LMNTD1: variants seen among roughly 807,000 people sequenced by gnomAD.
LMNTD1 encodes the protein lamin tail domain containing 1, also known as lamin tail domain-containing protein 1.
LMNTD1 carries 35 observed loss-of-function variants against 50.9 expected under a neutral mutation model. The ratio of observed to expected loss-of-function variants is 0.69; its 90% CI spans 0.53 to 0.91. The LOEUF (loss-of-function observed/expected upper bound fraction) is 0.91, where lower values mean the gene tolerates loss of function less well. Among genes scored for constraint, LMNTD1 ranks in the 40% least tolerant of loss-of-function variants. The pLI, the probability that LMNTD1 is intolerant of heterozygous loss-of-function variation, is 0.00. For missense variants in LMNTD1, 470 were observed against 475.5 expected, an observed-to-expected ratio of 0.99 and a Z score of 0.11; for synonymous variants, 153 against 161.9, an observed-to-expected ratio of 0.94 and a Z score of 0.42.
At chr12:25,629,687 T>A (rs1655015148) in intron 1 of LMNTD1, among the ~76,000 whole-genome samples, 1 of 152,206 alleles carries the variant, frequency 6.6e-6, no homozygotes, top group African/African-American at 2.4e-5. Context: ...CAAGCCTAAG[T>A]GCACTATTGA....
At chr12:25,642,997 C>A (rs541285952) in intron 1 of LMNTD1, among the ~76,000 whole-genome samples, 2 of 152,128 alleles carry the variant, frequency 1.3e-5, no homozygotes, top group Non-Finnish European at 2.9e-5. Flanking sequence ...GTTAATGCAA[C>A]GTTCCAAGCA....
intron 1 of LMNTD1, among the ~76,000 whole-genome samples, chr12:25,593,161 A>G (rs1945750917): frequency 6.6e-6 from 1 of 151,886 alleles, no homozygotes; most frequent in Non-Finnish European, 1.5e-5. Flanking sequence ...GACAAAGGAC[A>G]TATACTCCTG....
intron 1 of LMNTD1, among the ~76,000 whole-genome samples, chr12:25,576,687 T>C (rs1284587853): frequency 2.6e-5 from 4 of 152,236 alleles, no homozygotes; most frequent in Non-Finnish European, 5.9e-5. Context: ...GCAGAAGCTC[T>C]TTAGTTCAAT....
chr12:25,628,234 C>T (rs1224736683), intron 1 of LMNTD1, among the ~76,000 whole-genome samples: 1 of 149,782 alleles, frequency 6.7e-6, no homozygotes, highest in Non-Finnish European at 1.5e-5. Flanking sequence ...TGATAAAAAC[C>T]AATCTGTGCC....
At chr12:25,617,271 G>T (rs1252033146) in intron 1 of LMNTD1, among the ~76,000 whole-genome samples, 1 of 152,204 alleles carries the variant, frequency 6.6e-6, no homozygotes, top group African/African-American at 2.4e-5. Context: ...AGTGGGTAGT[G>T]CCTAGGTAAC....
At chr12:25,529,738 C>T (rs968901438) in intron 4 of LMNTD1, among the ~76,000 whole-genome samples, 3 of 152,138 alleles carry the variant, frequency 2.0e-5, no homozygotes, top group Admixed American at 2.0e-4. Flanking sequence ...AATCTTTGTA[C>T]AATCCAAACC....
chr12:25,562,559 G>T (rs1350286606), intron 1 of LMNTD1, among the ~76,000 whole-genome samples: 1 of 152,172 alleles, frequency 6.6e-6, no homozygotes, highest in African/African-American at 2.4e-5. Context: ...CTCTCTGGCT[G>T]CCCTTAACAT....
intron 9 of LMNTD1, among the ~76,000 whole-genome samples, chr12:25,489,398 C>T (rs562237175): frequency 5.9e-5 from 9 of 151,602 alleles, no homozygotes; most frequent in South Asian, 2.1e-4. Flanking sequence ...TTTCCAGGTG[C>T]GTCCGTCACC....
intron 1 of LMNTD1, among the ~76,000 whole-genome samples, chr12:25,563,462 T>C (rs2136314996): frequency 6.6e-6 from 1 of 152,266 alleles, no homozygotes; most frequent in East Asian, 1.9e-4. Context: ...GAACAGCAAA[T>C]ATTGCAGAAC....
chr12:25,526,762 T>C lies in LMNTD1; in HGVS notation c.678+7A>G, dbSNP rs756784271. On this transcript the variant is annotated splice_region_variant and intron_variant, in intron 5 of 9. Coordinates refer to ENST00000458174, the MANE Select transcript of LMNTD1 (RefSeq NM_001145728.2). ...CTAATGTACAGTATTTATACTCTTA[T>C]ACTCACTGTTACTGTGGAATTTGCC... 5 of 1,584,842 alleles carry C rather than the reference T, an allele frequency of 3.2e-6. No homozygotes were observed. Among genetic ancestry groups the C allele is most frequent in the African/African-American group, 1.3e-5 (1 of 74,496 alleles).
At chr12:25,515,119 T>C (rs1331607876) in intron 8 of LMNTD1, among the ~76,000 whole-genome samples, 1 of 152,134 alleles carries the variant, frequency 6.6e-6, no homozygotes, top group Non-Finnish European at 1.5e-5. Flanking sequence ...TATGCACAAG[T>C]AGACTTGCAC....
At chr12:25,596,683 GA>G (rs1046026388) in intron 1 of LMNTD1, among the ~76,000 whole-genome samples, 36 of 152,060 alleles carry the variant, frequency 2.4e-4, no homozygotes, top group African/African-American at 8.7e-4. Flanking sequence ...TCAATAGAAA[GA>G]AAAAGGATTT....
At position 25,529,767 on chromosome 12, in the gene LMNTD1, G is replaced by A. The variant is rs1032961805; in HGVS notation, c.492-2812C>T. On this transcript the variant is annotated intron_variant, in intron 4 of 9. Transcript: ENST00000458174. ...CCAAACCTATTTCTGCTTGCCTTGT[G>A]GAAATCCTTCAATATCTTACCATTT... 3.9e-5 allele frequency among the ~76,000 whole-genome samples: 6 copies of A among 151,906 alleles called. 1 individual carries two copies. Among genetic ancestry groups the A allele is most frequent in the Admixed American group, 1.3e-4 (2 of 15,252 alleles).
chr12:25,624,840 T>C (rs906986023), intron 1 of LMNTD1, among the ~76,000 whole-genome samples: 4 of 152,258 alleles, frequency 2.6e-5, no homozygotes, highest in Non-Finnish European at 5.9e-5. Context: ...ACAAATAAGT[T>C]ACTGTTATCC....
intron 2 of LMNTD1, among the ~76,000 whole-genome samples, chr12:25,550,502 C>T (rs17422448): frequency 0.097 from 14,716 of 152,240 alleles, 895 homozygotes; most frequent in East Asian, 0.2. Context: ...CCAGTTCAGC[C>T]ATCCCCTTTC....
intron 1 of LMNTD1, among the ~76,000 whole-genome samples, chr12:25,641,774 G>T (rs1445798584): frequency 1.3e-5 from 2 of 152,020 alleles, no homozygotes; most frequent in Non-Finnish European, 2.9e-5. Context: ...TATAAGAGAT[G>T]CACAATTTGG....
Position 25,512,852 on chromosome 12 carries a change from A to AT in LMNTD1, c.1189+5942dup, listed in dbSNP as rs61223932. On this transcript the variant is annotated intron_variant, in intron 8 of 9. Transcript: ENST00000458174. ...GGATTCTTAGGAGAATCTACTCACA[A>AT]TTTTTTTTTTATGGGGGGGGGCTTT... Among the ~76,000 whole-genome samples the AT allele has an allele frequency of 2.9e-4, 40 of 138,000 alleles. No homozygotes were observed. In the South Asian group the frequency reaches 3.5e-3, roughly 12 times the overall value. The allele number at this position is 138,000 out of a possible 152,430, so 90.5% of individuals were successfully genotyped here.
chr12:25,574,040 C>T (rs1944900902), intron 1 of LMNTD1, among the ~76,000 whole-genome samples: 1 of 152,178 alleles, frequency 6.6e-6, no homozygotes, highest in South Asian at 2.1e-4. Context: ...AGTATCAGGA[C>T]ATTTATAATT....
chr12:25,497,668 G>C (rs182513957), intron 9 of LMNTD1: 1 of 152,120 alleles, frequency 6.6e-6, no homozygotes, highest in East Asian at 1.9e-4. Flanking sequence ...CAGGGTGGCG[G>C]ATGCCTGTAA....
Sources: gnomAD v4.1 joint callset for allele counts (sites outside exome capture counted in the v4.1 genomes callset) on GRCh38, gnomAD v4.1.1 for gene constraint, MANE v1.5 for transcripts, NCBI Gene and HGNC (gene_info 2026-07-23, HGNC 2026-07-21) for gene names.